Variants in CCDC171 observed in about 807,000 individuals in gnomAD.
CCDC171 encodes coiled-coil domain-containing protein 171.
CCDC171 carries 177 observed loss-of-function variants against 168.2 expected under a neutral mutation model. That is an observed-to-expected ratio of 1.05 (90% confidence interval 0.93 to 1.19). The LOEUF (loss-of-function observed/expected upper bound fraction) is 1.19, where lower values mean the gene tolerates loss of function less well. CCDC171 is among the 50% of genes most tolerant of loss of function. CCDC171 has a pLI of 0.00. For missense variants in CCDC171, 1,991 were observed against 1,539.0 expected, an observed-to-expected ratio of 1.29 and a Z score of -4.91; for synonymous variants, 687 against 540.8, an observed-to-expected ratio of 1.27 and a Z score of -3.75.
chr9:15,942,821 T>C (rs1250971847), intron 25 of CCDC171, among the ~76,000 whole-genome samples: 1 of 151,918 alleles, frequency 6.6e-6, no homozygotes, highest in African/African-American at 2.4e-5. Context: ...GAGAAAGATA[T>C]AGGGTATTAT....
intron 10 of CCDC171, among the ~76,000 whole-genome samples, chr9:15,692,039 T>G (rs1162639871): frequency 6.6e-6 from 1 of 152,204 alleles, no homozygotes; most frequent in Non-Finnish European, 1.5e-5. Context: ...TTCTTGAGTA[T>G]TTTATAACAC....
At chr9:15,992,469 A>T (rs1832233598) in intron 3 of CCDC171, among the ~76,000 whole-genome samples, 1 of 152,190 alleles carries the variant, frequency 6.6e-6, no homozygotes, top group African/African-American at 2.4e-5. Context: ...TATTTATGAC[A>T]AACCCATAGT....
chr9:15,608,797 A>AG (rs2043412836), intron 6 of CCDC171, among the ~76,000 whole-genome samples: 3 of 151,104 alleles, frequency 2.0e-5, no homozygotes, highest in Non-Finnish European at 4.4e-5. Context: ...AAAAAAAAAA[A>AG]AAGTATATAT....
intron 25 of CCDC171, among the ~76,000 whole-genome samples, chr9:15,951,998 G>A (rs931175398): frequency 1.3e-5 from 2 of 152,048 alleles, no homozygotes; most frequent in African/African-American, 4.8e-5. Flanking sequence ...ATAATTTTTG[G>A]TCTTACATTA....
chr9:15,793,738 AGT>A (rs1468972178), intron 21 of CCDC171, among the ~76,000 whole-genome samples: 1 of 151,672 alleles, frequency 6.6e-6, no homozygotes, highest in Non-Finnish European at 1.5e-5. Flanking sequence ...TTATTAGGAC[AGT>A]GTTTCACCAT....
At chr9:15,558,350 G>A (rs2132439377) in intron 1 of CCDC171, among the ~76,000 whole-genome samples, 1 of 152,278 alleles carries the variant, frequency 6.6e-6, no homozygotes, top group South Asian at 2.1e-4. Flanking sequence ...GAATTTGGCA[G>A]TGAATCCGTC....
At position 15,659,796 on chromosome 9, in the gene CCDC171, A is replaced by T. The variant is rs191245978; in HGVS notation, c.915+2577A>T. Among the ~76,000 whole-genome samples the T allele has an allele frequency of 9.3e-4, 141 of 152,268 alleles. 1 individual carries two copies. The highest frequency in any genetic ancestry group is 3.5e-4 in the Non-Finnish European group (24 of 68,008). On this transcript the variant is annotated intron_variant, in intron 8 of 25. Coordinates refer to ENST00000380701, the MANE Select transcript of CCDC171 (RefSeq NM_173550.4). ...AAGTAGCTATAAGCAGATAGATTAA[A>T]ACTAGTTTAGACTAAAAAAGTTATT...
intron 6 of CCDC171, among the ~76,000 whole-genome samples, chr9:16,029,661 T>C (rs532987232): frequency 1.3e-5 from 2 of 152,306 alleles, no homozygotes; most frequent in East Asian, 1.9e-4. Context: ...GCCTGAAGTA[T>C]AGTTGAGGCT....
At chr9:15,606,918 A>C (rs1226582484) in intron 6 of CCDC171, among the ~76,000 whole-genome samples, 1 of 152,226 alleles carries the variant, frequency 6.6e-6, no homozygotes, top group Non-Finnish European at 1.5e-5. Flanking sequence ...ACACAGACAC[A>C]CATAATAAAG....
chr9:15,968,597 G>T (rs2132756390), intron 25 of CCDC171, among the ~76,000 whole-genome samples: 1 of 143,506 alleles, frequency 7.0e-6, no homozygotes, highest in South Asian at 2.2e-4. Flanking sequence ...CTGGAGTGCA[G>T]TGTGCAGTGG....
intron 24 of CCDC171, chr9:15,886,024 G>A (rs940501129): frequency 3.3e-5 from 5 of 152,066 alleles, no homozygotes; most frequent in African/African-American, 1.2e-4. Context: ...ATTTAAACTT[G>A]GAATTATCAA....
At chr9:16,008,162 A>G (rs1312670863) in intron 3 of CCDC171, among the ~76,000 whole-genome samples, 1 of 152,034 alleles carries the variant, frequency 6.6e-6, no homozygotes, top group South Asian at 2.1e-4. Context: ...AAATCAGAGG[A>G]CTCAAAAATT....
intron 3 of CCDC171, 108 bp downstream of exon 3, chr9:15,571,867 GGC>G (rs2040249824): frequency 2.2e-6 from 2 of 926,992 alleles, no homozygotes; most frequent in Admixed American, 6.7e-5. Context: ...ACCATTCTTG[GGC>G]TTAAAAAGGA....
At chr9:15,576,237 G>A (rs774991334) in intron 3 of CCDC171, among the ~76,000 whole-genome samples, 1 of 151,710 alleles carries the variant, frequency 6.6e-6, no homozygotes, top group African/African-American at 2.4e-5. Flanking sequence ...AGGCTTGCAT[G>A]CAGTGATGTG....
Position 15,578,921 on chromosome 9 carries a change from C to T in CCDC171, c.250C>T (p.Leu84=), listed in dbSNP as rs775490590. The change falls in exon 4 of 26, where the codon CTG becomes TTG. Residue 84 remains leucine, a synonymous_variant. Coordinates refer to ENST00000380701, the MANE Select transcript of CCDC171 (RefSeq NM_173550.4). ...VEKGEALRQS[L]EYDLAVARKE... is the part of the protein sequence containing the mutation. ...AAAGGGAGAAGCATTGCGACAAAGT[C>T]TGGAATATGACCTAGCTGTTGCTAG... 4 of 1,613,944 alleles carry T rather than the reference C, an allele frequency of 2.5e-6. No individual in the cohort carries two copies. The highest frequency in any genetic ancestry group is 8.5e-7 in the Non-Finnish European group (1 of 1,179,908).
chr9:15,563,867 A>G (rs981319403), intron 1 of CCDC171, 111 bp from the exon 2 acceptor site: 1 of 493,114 alleles, frequency 2.0e-6, no homozygotes, highest in African/African-American at 2.0e-5. Context: ...CTATACACCT[A>G]CAATTTCACT....
chr9:15,942,915 A>C (rs1378692072), intron 25 of CCDC171, among the ~76,000 whole-genome samples: 7 of 151,984 alleles, frequency 4.6e-5, no homozygotes, highest in South Asian at 4.1e-4. Flanking sequence ...AAAAGAAACA[A>C]AGCAATTCAG....
chr9:15,989,696 T>C (rs1453038993), intron 3 of CCDC171, among the ~76,000 whole-genome samples: 1 of 147,654 alleles, frequency 6.8e-6, no homozygotes, highest in Admixed American at 6.6e-5. Context: ...ATTAGACAAA[T>C]GGCTAACTAG....
chr9:15,978,305 A>T (rs897327896), downstream of CCDC171, among the ~76,000 whole-genome samples: 2 of 152,222 alleles, frequency 1.3e-5, no homozygotes, highest in African/African-American at 2.4e-5. Flanking sequence ...ATTCACAGTC[A>T]CAATTAAAAG....
Sources: gnomAD v4.1 joint callset for allele counts (sites outside exome capture counted in the v4.1 genomes callset) on GRCh38, gnomAD v4.1.1 for gene constraint, MANE v1.5 for transcripts, NCBI Gene and HGNC (gene_info 2026-07-23, HGNC 2026-07-21) for gene names.